The following AGBL4 variants were observed in gnomAD, a reference collection of about 807,000 sequenced individuals.
AGBL4 encodes the protein cytosolic carboxypeptidase 6.
Under a neutral mutation model 66.4 loss-of-function variants are expected in AGBL4, and 58 were observed. The ratio of observed to expected loss-of-function variants is 0.87; its 90% CI spans 0.71 to 1.09. The LOEUF is 1.09. Among genes scored for constraint, AGBL4 ranks in the 50% least tolerant of loss-of-function variants. The pLI is 0.00. For missense variants in AGBL4, 579 were observed against 631.0 expected, an observed-to-expected ratio of 0.92 and a Z score of 0.88; for synonymous variants, 234 against 222.9, an observed-to-expected ratio of 1.05 and a Z score of -0.44.
intron 1 of AGBL4, among the ~76,000 whole-genome samples, chr1:49,907,724 A>G (rs1024820555): frequency 1.3e-5 from 2 of 152,168 alleles, no homozygotes; most frequent in African/African-American, 4.8e-5. Flanking sequence ...AATGCTCTGT[A>G]TATAATTATA....
chr1:48,525,482 T>A, the AGBL4 span, among the ~76,000 whole-genome samples: 1 of 152,212 alleles, frequency 6.6e-6, no homozygotes, highest in African/African-American at 2.4e-5. Context: ...GGGAACTTCA[T>A]GAGGTCTCAG....
At chr1:49,964,931 A>C (rs1391621597) in intron 1 of AGBL4, among the ~76,000 whole-genome samples, 6 of 152,206 alleles carry the variant, frequency 3.9e-5, no homozygotes. Context: ...GAATGTGAAT[A>C]TAAAACATAT....
intron 4 of AGBL4, among the ~76,000 whole-genome samples, chr1:49,179,853 T>G (rs1446288377): frequency 6.6e-6 from 1 of 152,192 alleles, no homozygotes; most frequent in Non-Finnish European, 1.5e-5. Flanking sequence ...TGCCTCCTCC[T>G]GCTGTATGAC....
intron 1 of AGBL4, among the ~76,000 whole-genome samples, chr1:49,957,988 T>C (rs1284374104): frequency 3.6e-4 from 55 of 152,226 alleles, no homozygotes; most frequent in Non-Finnish European, 1.6e-4. Context: ...GTTTTTGCAG[T>C]GGCTGGTACC....
chr1:48,719,970 T>C lies in AGBL4; in HGVS notation c.635-56729A>G, dbSNP rs559697368. On this transcript the variant is annotated intron_variant, in intron 6 of 13. Coordinates refer to ENST00000371839, the MANE Select transcript of AGBL4 (RefSeq NM_032785.4). ...TGATGGCCTATCAAACTTCAACCCATGAGAACAAGAGAAGAAGGCCTCATG... is the reference window on the plus strand; with the variant it reads ...TGATGGCCTATCAAACTTCAACCCACGAGAACAAGAGAAGAAGGCCTCATG... Among the ~76,000 whole-genome samples the C allele has an allele frequency of 9.2e-5, 14 of 152,246 alleles. 1 individual carries two copies. Among genetic ancestry groups the C allele is most frequent in the African/African-American group, 2.9e-4 (12 of 41,540 alleles).
chr1:48,945,650 G>C (rs1258021980), intron 5 of AGBL4, among the ~76,000 whole-genome samples: 1 of 152,118 alleles, frequency 6.6e-6, no homozygotes, highest in African/African-American at 2.4e-5. Context: ...AGTTAGAAGG[G>C]GGAAAAAACC....
chr1:49,413,996 ATCTCTT>A (rs1645373878), intron 3 of AGBL4, among the ~76,000 whole-genome samples: 2 of 152,112 alleles, frequency 1.3e-5, no homozygotes, highest in African/African-American at 4.8e-5. Context: ...AAAAATCAGA[ATCTCTT>A]TATTAGGCAG....
chr1:48,924,110 T>C (rs1296693534), intron 5 of AGBL4, among the ~76,000 whole-genome samples: 1 of 152,114 alleles, frequency 6.6e-6, no homozygotes, highest in Non-Finnish European at 1.5e-5. Context: ...AAACTATAGC[T>C]TTACAAGCAT....
chr1:49,845,213 A>C, intron 2 of AGBL4: 1 of 1,481,936 alleles, frequency 6.7e-7, no homozygotes, highest in Non-Finnish European at 9.4e-7. Context: ...CTTACCAAAC[A>C]CCAGAGAATC....
At chr1:49,806,045 C>G (rs567981141) in intron 2 of AGBL4, among the ~76,000 whole-genome samples, 23 of 152,208 alleles carry the variant, frequency 1.5e-4, no homozygotes, top group Admixed American at 1.2e-3. Context: ...GGCTTTAAAA[C>G]TGTAATGGGT....
intron 6 of AGBL4, among the ~76,000 whole-genome samples, chr1:48,675,755 A>G (rs1209748885): frequency 6.6e-6 from 1 of 152,184 alleles, no homozygotes; most frequent in African/African-American, 2.4e-5. Flanking sequence ...GGTCTAATTA[A>G]TGTCACCATT....
chr1:48,853,977 C>G (rs1435275863), intron 6 of AGBL4, among the ~76,000 whole-genome samples: 1 of 152,170 alleles, frequency 6.6e-6, no homozygotes, highest in Non-Finnish European at 1.5e-5. Flanking sequence ...TGCAGAAGGC[C>G]TGGTGTTATC....
chr1:49,063,999 T>A (rs1644448281), intron 4 of AGBL4, among the ~76,000 whole-genome samples: 1 of 152,234 alleles, frequency 6.6e-6, no homozygotes, highest in Non-Finnish European at 1.5e-5. Context: ...AGGCATTTAA[T>A]TATGCAATGT....
intron 5 of AGBL4, among the ~76,000 whole-genome samples, chr1:49,032,006 T>C (rs544643099): frequency 1.4e-4 from 22 of 152,308 alleles, no homozygotes; most frequent in African/African-American, 5.3e-4. Context: ...CATTGGCTTC[T>C]GCAAGCAGAA....
chr1:48,650,304 G>T (rs369176233), intron 8 of AGBL4, among the ~76,000 whole-genome samples: 1 of 152,172 alleles, frequency 6.6e-6, no homozygotes, highest in Non-Finnish European at 1.5e-5. Flanking sequence ...ACGTCCAGAG[G>T]GAGATGTTGA....
chr1:49,766,244 A>G (rs1301999903), intron 2 of AGBL4, among the ~76,000 whole-genome samples: 1 of 152,144 alleles, frequency 6.6e-6, no homozygotes, highest in Admixed American at 6.5e-5. Context: ...TGGACATCTC[A>G]TCAGAAACCT....
At chr1:49,770,501 T>C (rs189150528) in intron 2 of AGBL4, among the ~76,000 whole-genome samples, 1 of 152,272 alleles carries the variant, frequency 6.6e-6, no homozygotes, top group African/African-American at 2.4e-5. Flanking sequence ...TGTTGTGCCT[T>C]TGCCTTTGGT....
chr1:48,990,711 T>G (rs527531697), intron 5 of AGBL4, among the ~76,000 whole-genome samples: 1 of 152,090 alleles, frequency 6.6e-6, no homozygotes, highest in Non-Finnish European at 1.5e-5. Context: ...TGGTGATTTC[T>G]TGTTTTCTTT....
intron 5 of AGBL4, among the ~76,000 whole-genome samples, chr1:49,022,023 A>G (rs1255548697): frequency 6.6e-6 from 1 of 152,200 alleles, no homozygotes; most frequent in East Asian, 1.9e-4. Flanking sequence ...TATTCTGCTG[A>G]CCTAGTTAGA....
Sources: gnomAD v4.1 joint callset for allele counts (sites outside exome capture counted in the v4.1 genomes callset) on GRCh38, gnomAD v4.1.1 for gene constraint, MANE v1.5 for transcripts, NCBI Gene and HGNC (gene_info 2026-07-23, HGNC 2026-07-21) for gene names.